Variants in SGTB observed in about 807,000 individuals in gnomAD.
SGTB encodes the protein small glutamine rich tetratricopeptide repeat co-chaperone beta.
A neutral mutation model predicts 43.9 loss-of-function variants in SGTB; 19 were observed. The observed-to-expected ratio is 0.43, with a 90% CI of 0.30 to 0.63. The LOEUF is 0.63. Ranked by LOEUF, SGTB falls within the 30% of genes least tolerant of loss-of-function variation. The pLI is 0.12. For synonymous variants in SGTB, 116 were observed against 117.3 expected (o/e 0.99, Z 0.07); for missense variants, 304 against 358.9 (o/e 0.85, Z 1.24).
rs1581241218 is a variant in SGTB, at chr5:65,668,352, C to T, written c.*1894G>A. 1 of 152,108 alleles carries T rather than the reference C, an allele frequency of 6.6e-6. No homozygotes were observed. Among genetic ancestry groups the T allele is most frequent in the South Asian group, 2.1e-4 (1 of 4,802 alleles). 9.4% of individuals were successfully genotyped at this position (152,108 alleles called of 1,614,324 possible). A position where few individuals can be genotyped will look rare whatever the true frequency, so the allele number is the denominator to read the frequency against. ...TGGCCAGGCACAGTGGCTCACACCT[C>T]TAATCCCAGCACTTTGAGGGGCCAA... is the stretch of plus-strand genomic sequence containing the variant. On this transcript the variant is annotated 3_prime_UTR_variant, in exon 11 of 11. Transcript: ENST00000381007.
intron 5 of SGTB, among the ~76,000 whole-genome samples, chr5:65,697,997 G>C (rs1316534960): frequency 6.6e-6 from 1 of 152,128 alleles, no homozygotes; most frequent in Non-Finnish European, 1.5e-5. Context: ...TGAAACTCTA[G>C]AGGAAATGAA....
In SGTB at chr5:65,685,461, T is replaced by C; in HGVS notation, c.386A>G (p.Gln129Arg). The change falls in exon 6 of 11, where the codon CAG (glutamine) becomes CGG (arginine). Residue 129 changes from glutamine (Q) to arginine (R), a missense_variant. Coordinates refer to ENST00000381007, the MANE Select transcript of SGTB (RefSeq NM_019072.3). ...ATCTGTGTAGTGACCTAATTTGCTC[T>C]GAGCAGCAGCCCTAAGAGAAAGAAA... ...AVYYCNRAAA[Q>R]SKLGHYTDAI... is the part of the protein sequence containing the mutation. The C allele has an allele frequency of 6.2e-7, 1 of 1,614,050 alleles. No homozygotes were observed. The highest frequency in any genetic ancestry group is 8.5e-7 in the Non-Finnish European group (1 of 1,179,992).
chr5:65,681,790 C>T (rs897108905), intron 6 of SGTB, among the ~76,000 whole-genome samples: 8 of 152,174 alleles, frequency 5.3e-5, no homozygotes, highest in African/African-American at 1.9e-4. Flanking sequence ...GTCTGGCCAA[C>T]ATGGTGAAGC....
At chr5:65,693,127 G>A (rs1357118482) in intron 5 of SGTB, among the ~76,000 whole-genome samples, 6 of 151,956 alleles carry the variant, frequency 3.9e-5, no homozygotes, top group Non-Finnish European at 8.8e-5. Flanking sequence ...CTGGAAGGCA[G>A]AGGTTACAGT....
rs186911216 is a variant in SGTB, at chr5:65,712,971, G to A, written c.194C>T (p.Ser65Phe). ...ATAATGACAACATACCTTACAGAAG[G>A]AACTGGTAAACATTTCTGTCAAAGG... is the stretch of plus-strand genomic sequence containing the variant. ...SQPLTEMFTS[S>F]FCKNDVLPLS... The change falls in exon 3 of 11, where the codon TCC becomes TTC. Residue 65 changes from serine to phenylalanine, a missense_variant. Ser to Phe is a radical substitution (Grantham distance 155). Transcript: ENST00000381007. 1.3e-4 allele frequency: 205 copies of A among 1,611,636 alleles called. No individual in the cohort carries two copies. The East Asian group carries it at 4.0e-3, about 32-fold the overall frequency.
At position 65,708,532 on chromosome 5, in the gene SGTB, T is replaced by C. The variant is rs1426632155; in HGVS notation, c.231A>G (p.Ser77=). 1 of 1,613,660 alleles carries C rather than the reference T, an allele frequency of 6.2e-7. No individual in the cohort carries two copies. The part of the protein sequence containing the change: ...CKNDVLPLSN[S]VPEDVGKADQ... ...CAGCTTTTCCCACATCTTCAGGCAC[T>C]GAGTTTGAAAGGGGCAGAACGTCAT... The change falls in exon 4 of 11, where the codon TCA becomes TCG. Residue 77 remains serine (S), a synonymous_variant. Transcript: ENST00000381007.
chr5:65,681,453 T>C (rs1046981987), intron 6 of SGTB, among the ~76,000 whole-genome samples: 1 of 152,174 alleles, frequency 6.6e-6, no homozygotes, highest in African/African-American at 2.4e-5. Context: ...AATAACTGTA[T>C]ATATGGTGAC....
At chr5:65,698,097 G>A (rs1757744992) in intron 5 of SGTB, among the ~76,000 whole-genome samples, 1 of 152,150 alleles carries the variant, frequency 6.6e-6, no homozygotes, top group African/African-American at 2.4e-5. Context: ...ACATCTGATG[G>A]TAGCTGGGAT....
intron 4 of SGTB, among the ~76,000 whole-genome samples, chr5:65,707,444 T>C (rs1480602670): frequency 2.1e-5 from 3 of 145,790 alleles, no homozygotes; most frequent in Non-Finnish European, 4.5e-5. Flanking sequence ...ACATATATTT[T>C]TTTTTTTTTG....
At chr5:65,717,680 T>C (rs561093782) in intron 2 of SGTB, among the ~76,000 whole-genome samples, 2 of 151,992 alleles carry the variant, frequency 1.3e-5, no homozygotes, top group East Asian at 3.9e-4. Flanking sequence ...TGAGAAGATA[T>C]GAGAAAGTGT....
At chr5:65,719,838 G>A (rs897919163) in intron 2 of SGTB, among the ~76,000 whole-genome samples, 2 of 152,120 alleles carry the variant, frequency 1.3e-5, no homozygotes, top group Non-Finnish European at 2.9e-5. Context: ...CAGGTGAAAT[G>A]CTCCCATTTC....
intron 4 of SGTB, among the ~76,000 whole-genome samples, chr5:65,705,899 G>A (rs181164105): frequency 7.9e-5 from 12 of 151,802 alleles, no homozygotes; most frequent in Admixed American, 7.2e-4. Flanking sequence ...TAGCTGGGGT[G>A]GTGGTGTGTG....
At position 65,667,048 on chromosome 5, in the gene SGTB, C is replaced by CTT. The variant is rs1757052352; in HGVS notation, c.*3196_*3197dup. The CTT allele has an allele frequency of 6.6e-6, 1 of 152,082 alleles. No individual in the cohort carries two copies. Among genetic ancestry groups the CTT allele is most frequent in the South Asian group, 2.1e-4 (1 of 4,824 alleles). The allele number at this position is 152,082 out of a possible 1,614,324, so 9.4% of individuals were successfully genotyped here. A position where few individuals can be genotyped will look rare whatever the true frequency, so the allele number is the denominator to read the frequency against. On this transcript the variant is annotated 3_prime_UTR_variant, in exon 11 of 11. Transcript: ENST00000381007. ...GGAAGTTATCTGGGCCTGTAGTTTT[C>CTT]TTTACTGGAAGGTTTTTAACTTAAC...
intron 5 of SGTB, among the ~76,000 whole-genome samples, chr5:65,687,202 C>T (rs1240080340): frequency 1.3e-5 from 2 of 152,188 alleles, no homozygotes; most frequent in African/African-American, 4.8e-5. Context: ...AAATTCCCAT[C>T]ATAGCCTGGT....
chr5:65,683,868 C>T (rs1317022925), intron 6 of SGTB, among the ~76,000 whole-genome samples: 1 of 151,628 alleles, frequency 6.6e-6, no homozygotes, highest in Non-Finnish European at 1.5e-5. Context: ...ATGGCGTGAA[C>T]CCAGGAGGCA....
intron 5 of SGTB, among the ~76,000 whole-genome samples, chr5:65,694,823 C>G (rs1757688221): frequency 6.6e-6 from 1 of 152,018 alleles, no homozygotes. Context: ...GAAGCACATA[C>G]AAAGCACAGA....
chr5:65,681,698 G>A (rs947001619), intron 6 of SGTB, among the ~76,000 whole-genome samples: 7 of 152,214 alleles, frequency 4.6e-5, no homozygotes, highest in South Asian at 4.2e-4. Context: ...CTGGCTGGGC[G>A]CAGTGGCCCA....
chr5:65,714,708 G>A (rs961143676), intron 2 of SGTB, among the ~76,000 whole-genome samples: 3 of 152,062 alleles, frequency 2.0e-5, no homozygotes, highest in Admixed American at 1.3e-4. Flanking sequence ...CCAGCTACTC[G>A]GGAGGCTGAG....
chr5:65,696,920 A>G (rs993049033), intron 5 of SGTB, among the ~76,000 whole-genome samples: 2 of 152,234 alleles, frequency 1.3e-5, no homozygotes, highest in Non-Finnish European at 2.9e-5. Flanking sequence ...TAACAAATTA[A>G]AAAGTCAGTT....
Sources: allele counts gnomAD v4.1 joint callset (sites outside exome capture counted in the v4.1 genomes callset), GRCh38; gene constraint gnomAD v4.1.1; transcripts MANE v1.5; gene names NCBI Gene and HGNC (gene_info 2026-07-23, HGNC 2026-07-21).